Variants in PITPNC1 observed in about 807,000 individuals in gnomAD.
The protein encoded by PITPNC1 is cytoplasmic phosphatidylinositol transfer protein 1.
PITPNC1 carries 18 observed loss-of-function variants against 44.7 expected under a neutral mutation model. That is an observed-to-expected ratio of 0.40 (90% confidence interval 0.28 to 0.60). PITPNC1 has a LOEUF of 0.60. Ranked by LOEUF, PITPNC1 falls within the 20% of genes least tolerant of loss-of-function variation. The pLI, the probability that PITPNC1 is intolerant of heterozygous loss-of-function variation, is 0.39. For missense variants in PITPNC1, 290 were observed against 418.4 expected (o/e 0.69, Z 2.68); for synonymous variants, 141 against 149.6 (o/e 0.94, Z 0.42).
chr17:67,681,497 T>C (rs2042704871), intron 8 of PITPNC1, among the ~76,000 whole-genome samples: 1 of 150,890 alleles, frequency 6.6e-6, no homozygotes, highest in South Asian at 2.1e-4. Flanking sequence ...TAGTCCCAGC[T>C]GCTTGGGAGG....
chr17:67,666,009 T>C (rs1021987573), intron 6 of PITPNC1, among the ~76,000 whole-genome samples: 3 of 151,934 alleles, frequency 2.0e-5, no homozygotes, highest in Admixed American at 6.6e-5. Flanking sequence ...CCCAGCTCAT[T>C]TTTTTATATT....
intron 1 of PITPNC1, among the ~76,000 whole-genome samples, chr17:67,485,386 TTTTTTGACATAGGCACTG>T (rs1262848148): frequency 6.6e-6 from 1 of 151,152 alleles, no homozygotes; most frequent in Non-Finnish European, 1.5e-5. Context: ...TTTTTTTTTT[TTTTTTGACATAGGCACTG>T]CTCTGTCGCC....
chr17:67,456,411 G>T (rs992595396), intron 1 of PITPNC1, among the ~76,000 whole-genome samples: 2 of 152,092 alleles, frequency 1.3e-5, no homozygotes, highest in Non-Finnish European at 2.9e-5. Context: ...ATTTCAGTCT[G>T]TTTGCATTTA....
intron 1 of PITPNC1, among the ~76,000 whole-genome samples, chr17:67,479,329 C>T (rs2039673691): frequency 6.6e-6 from 1 of 152,244 alleles, no homozygotes; most frequent in South Asian, 2.1e-4. Context: ...CCAGCAGCTG[C>T]CCATGAGGAA....
intron 5 of PITPNC1, among the ~76,000 whole-genome samples, chr17:67,587,721 G>C (rs985121024): frequency 2.0e-5 from 3 of 152,184 alleles, no homozygotes; most frequent in African/African-American, 7.2e-5. Flanking sequence ...TCACTGGGCT[G>C]TGCTTGGTTT....
At chr17:67,532,673 C>A in intron 1 of PITPNC1, 129 bp from the exon 2 acceptor site, 2 of 631,626 alleles carry the variant, frequency 3.2e-6, no homozygotes, top group Non-Finnish European at 5.4e-6. Flanking sequence ...AACATGAGGC[C>A]CATGTGGCTG....
At chr17:67,536,942 A>G (rs1356588093) in intron 2 of PITPNC1, among the ~76,000 whole-genome samples, 1 of 152,234 alleles carries the variant, frequency 6.6e-6, no homozygotes, top group Non-Finnish European at 1.5e-5. Context: ...GAACACTAAT[A>G]GTGCCTACCA....
In PITPNC1 at chr17:67,675,493, T is replaced by A. The variant is rs1229756827; in HGVS notation, c.633T>A (p.Ile211=). ...EQFVHKVVRD[I]LLIGHRQAFA... is the part of the protein sequence containing the mutation. ...TTACTTTTTAGGTGGTCCGAGACAT[T>A]CTGCTGATTGGACATAGACAGGCTT... is the stretch of plus-strand genomic sequence containing the variant. Residue 211 remains isoleucine (I), a synonymous_variant, in exon 8 of 9, where the codon ATT becomes ATA. Coordinates refer to ENST00000581322, the MANE Select transcript of PITPNC1 (RefSeq NM_012417.4). The A allele has an allele frequency of 3.1e-6, 5 of 1,609,858 alleles. No homozygotes were observed. The highest frequency in any genetic ancestry group is 4.3e-6 in the Non-Finnish European group (5 of 1,176,190).
chr17:67,565,368 T>A (rs2040962018), intron 4 of PITPNC1, among the ~76,000 whole-genome samples: 1 of 152,164 alleles, frequency 6.6e-6, no homozygotes, highest in African/African-American at 2.4e-5. Context: ...TTTTCCATGT[T>A]TTCCAGTGTG....
chr17:67,475,160 A>C (rs956377350), intron 1 of PITPNC1, among the ~76,000 whole-genome samples: 1 of 152,140 alleles, frequency 6.6e-6, no homozygotes, highest in Non-Finnish European at 1.5e-5. Context: ...TGGTTCGCAG[A>C]GGGTCTTTGG....
intron 8 of PITPNC1, among the ~76,000 whole-genome samples, chr17:67,678,105 A>G (rs971223155): frequency 2.6e-5 from 4 of 151,968 alleles, no homozygotes; most frequent in African/African-American, 9.7e-5. Context: ...AGTCTTAGCT[A>G]TTCAGGAGAC....
At chr17:67,501,881 T>A (rs1364630565) in intron 1 of PITPNC1, among the ~76,000 whole-genome samples, 1 of 152,150 alleles carries the variant, frequency 6.6e-6, no homozygotes, top group African/African-American at 2.4e-5. Context: ...AATTCTAGCA[T>A]GCCTGAAATT....
chr17:67,689,283 G>A (rs896268109), intron 8 of PITPNC1, among the ~76,000 whole-genome samples: 19 of 152,120 alleles, frequency 1.2e-4, no homozygotes, highest in Admixed American at 8.5e-4. Flanking sequence ...TGTAGAAGGT[G>A]ATAACGTAGA....
chr17:67,436,215 G>A (rs773380617), intron 1 of PITPNC1, among the ~76,000 whole-genome samples: 2 of 150,484 alleles, frequency 1.3e-5, no homozygotes, highest in Non-Finnish European at 2.9e-5. Flanking sequence ...TGCCCAGGCT[G>A]GTCTTAAATT....
intron 1 of PITPNC1, among the ~76,000 whole-genome samples, chr17:67,520,563 C>G (rs945540813): frequency 6.6e-6 from 1 of 152,202 alleles, no homozygotes; most frequent in Admixed American, 6.5e-5. Flanking sequence ...AAATCCCCCT[C>G]TTTGCCAGAC....
At chr17:67,489,527 C>T (rs1313777985) in intron 1 of PITPNC1, among the ~76,000 whole-genome samples, 1 of 152,104 alleles carries the variant, frequency 6.6e-6, no homozygotes, top group Non-Finnish European at 1.5e-5. Flanking sequence ...CGGGATTCAC[C>T]TTGTGGCTTA....
chr17:67,648,613 C>A (rs1162677196), intron 6 of PITPNC1, among the ~76,000 whole-genome samples: 1 of 152,204 alleles, frequency 6.6e-6, no homozygotes, highest in Non-Finnish European at 1.5e-5. Context: ...AACTGGGAAC[C>A]AGGCCCAAAG....
intron 1 of PITPNC1, chr17:67,459,775 C>T (rs2039309906): frequency 6.6e-6 from 1 of 152,138 alleles, no homozygotes; most frequent in Admixed American, 6.5e-5. Flanking sequence ...GCGAAGATTT[C>T]GAGATCTTGT....
intron 8 of PITPNC1, 94 bp from the exon 9 acceptor site, chr17:67,692,478 T>C: frequency 1.2e-6 from 1 of 854,316 alleles, no homozygotes; most frequent in Non-Finnish European, 1.9e-6. Flanking sequence ...ATGATAGGGT[T>C]CCCATAGTTC....
Sources: allele counts gnomAD v4.1 joint callset (sites outside exome capture counted in the v4.1 genomes callset), GRCh38; gene constraint gnomAD v4.1.1; transcripts MANE v1.5; gene names NCBI Gene and HGNC (gene_info 2026-07-23, HGNC 2026-07-21).